SZT2: variants seen among roughly 807,000 people sequenced by gnomAD.
SZT2 encodes the protein KICSTOR complex protein SZT2.
In SZT2, 216 loss-of-function variants were observed where a neutral mutation model predicts 404.2. The observed-to-expected ratio is 0.53, with a 90% CI of 0.48 to 0.60. The LOEUF (loss-of-function observed/expected upper bound fraction) is 0.60, where lower values mean the gene tolerates loss of function less well. Among genes scored for constraint, SZT2 ranks in the 20% least tolerant of loss-of-function variants. The probability of loss-of-function intolerance (pLI) is 0.00; values close to 1 mark genes in which losing one functional copy is unlikely to be tolerated. For synonymous variants in SZT2, 1,693 were observed against 1,749.9 expected, an observed-to-expected ratio of 0.97 and a Z score of 0.81; for missense variants, 3,857 against 4,459.2, an observed-to-expected ratio of 0.86 and a Z score of 3.85.
rs760581304 is a variant in SZT2 at position 43,426,795 on chromosome 1, G to A, written c.3295G>A (p.Ala1099Thr). 8.7e-6 allele frequency: 14 copies of A among 1,613,522 alleles called. No homozygotes were observed. The highest frequency in any genetic ancestry group is 4.5e-5 in the East Asian group (2 of 44,870). The change falls in exon 23 of 72, where the codon GCT (alanine) becomes ACT (threonine). Residue 1099 changes from alanine to threonine, a missense_variant. Physicochemically the swap from Ala to Thr is moderately conservative, Grantham distance 58 (BLOSUM62 0). Transcript: ENST00000634258. The surrounding 1 kb of genome is among the most constrained non-coding windows in gnomAD (Gnocchi z 4.9). ...CAGCACCCAGGCCACAGGAGACTCC[G>A]CTTTTACTTCCCTGGTCAGCACCGA... ...VGSTQATGDS[A>T]FTSLSVGLPE...
Position 43,420,407 on chromosome 1 carries a change from A to C in SZT2, c.1261+84A>C. ...AAGACCCACATGTATCACACATGAA[A>C]GAGTGTCACATTGAAGTCCTTATCA... On this transcript the variant is annotated intron_variant, in intron 9 of 71. Transcript: ENST00000634258. The surrounding 1 kb of genome is among the most constrained non-coding windows in gnomAD (Gnocchi z 5.1). The C allele has an allele frequency of 7.0e-7, 1 of 1,429,652 alleles. No homozygotes were observed. Among genetic ancestry groups the C allele is most frequent in the Non-Finnish European group, 9.2e-7 (1 of 1,082,220 alleles). 88.6% of individuals were successfully genotyped at this position (1,429,652 alleles called of 1,614,324 possible).
At position 43,452,793 on chromosome 1, in the gene SZT2, T is replaced by G; in HGVS notation, c.*2313T>G. On this transcript the variant is annotated 3_prime_UTR_variant, in exon 72 of 72. Coordinates refer to ENST00000634258, the MANE Select transcript of SZT2 (RefSeq NM_001365999.1). ...TTTGGCCTCTGCAGGATTTGACATT[T>G]GAATCAGCCCCACTTTGAGCCGTCC... The G allele has an allele frequency of 8.6e-7, 1 of 1,169,424 alleles. No homozygotes were observed. The highest frequency in any genetic ancestry group is 1.4e-5 in the South Asian group (1 of 72,292). The allele number at this position is 1,169,424 out of a possible 1,614,324, so 72.4% of individuals were successfully genotyped here.
chr1:43,446,527 A>G, intron 65 of SZT2, 111 bp downstream of exon 65: 2 of 1,332,952 alleles, frequency 1.5e-6, no homozygotes, highest in Admixed American at 1.8e-5. Flanking sequence ...GGGCTGGCCC[A>G]GTGATTGATT....
In SZT2 at chr1:43,404,462, G is replaced by A. The variant is rs758311269; in HGVS notation, c.410G>A (p.Arg137Gln). The A allele has an allele frequency of 3.1e-5, 50 of 1,613,824 alleles. No individual in the cohort carries two copies. The highest frequency in any genetic ancestry group is 6.7e-5 in the Admixed American group (4 of 60,002). Residue 137 changes from arginine to glutamine, a missense_variant, in exon 4 of 72, where the codon CGA becomes CAA. Arg to Gln is a conservative substitution (Grantham distance 43, BLOSUM62 1). This residue lies in a region of SZT2 where 536 missense variants were observed against 637.4 expected (regional missense o/e 0.84). Coordinates refer to ENST00000634258, the MANE Select transcript of SZT2 (RefSeq NM_001365999.1). ...TTAGGCGGGCTGCTTCGGCCCTTCCGAGTGCCTGGATCTTGCATCGACTTC... is the reference window on the plus strand; with the variant it reads ...TTAGGCGGGCTGCTTCGGCCCTTCCAAGTGCCTGGATCTTGCATCGACTTC... ...RCLGGLLRPF[R>Q]VPGSCIDFQP... is the part of the protein sequence containing the mutation.
chr1:43,397,147 A>G (rs982777638), intron 1 of SZT2, among the ~76,000 whole-genome samples: 17 of 152,148 alleles, frequency 1.1e-4, no homozygotes, highest in African/African-American at 4.1e-4. Context: ...GAAACAATGT[A>G]TAGGCCAGGT....
At chr1:43,429,024 T>C (rs1471147588) in intron 28 of SZT2, 1 of 159,382 alleles carries the variant, frequency 6.3e-6, no homozygotes, top group East Asian at 1.8e-4. Flanking sequence ...TGATGACTCC[T>C]AGATTGGAAC....
In SZT2 at chr1:43,427,459, C is replaced by T; in HGVS notation, c.3598+14C>T. On this transcript the variant is annotated intron_variant, in intron 25 of 71. Coordinates refer to ENST00000634258, the MANE Select transcript of SZT2 (RefSeq NM_001365999.1). ...CCCTGGCTAGTGGTAAGGCTGCCGACTCAAGGTGGGCAGGAGTGGGAGTGG... is the reference window on the plus strand; with the variant it reads ...CCCTGGCTAGTGGTAAGGCTGCCGATTCAAGGTGGGCAGGAGTGGGAGTGG... The T allele has an allele frequency of 6.2e-7, 1 of 1,611,884 alleles. No homozygotes were observed. Among genetic ancestry groups the T allele is most frequent in the Non-Finnish European group, 8.5e-7 (1 of 1,178,142 alleles).
At chr1:43,402,733 G>T (rs892763606) in intron 1 of SZT2, among the ~76,000 whole-genome samples, 1 of 152,146 alleles carries the variant, frequency 6.6e-6, no homozygotes, top group Admixed American at 6.5e-5. Flanking sequence ...TATTCCTTCG[G>T]TGAAAATTTC....
At chr1:43,394,957 G>C (rs748543291) in intron 1 of SZT2, among the ~76,000 whole-genome samples, 4 of 152,154 alleles carry the variant, frequency 2.6e-5, no homozygotes, top group Non-Finnish European at 5.9e-5. Context: ...GATGTTGCAA[G>C]AAGACTAGGC....
chr1:43,426,875 G>A lies in SZT2; in HGVS notation c.3309+66G>A. ...CCTCCTTCCAGCACCACATCTTCAG[G>A]CCCCAACCTTCTACCGCCCTTGAGA... is the stretch of plus-strand genomic sequence containing the variant. On this transcript the variant is annotated intron_variant, in intron 23 of 71. Coordinates refer to ENST00000634258, the MANE Select transcript of SZT2 (RefSeq NM_001365999.1). This position sits in a 1 kb window ranked among gnomAD's most constrained non-coding sequence, Gnocchi z 4.9. 3 of 1,570,860 alleles carry A rather than the reference G, an allele frequency of 1.9e-6. No individual in the cohort carries two copies. The highest frequency in any genetic ancestry group is 2.6e-6 in the Non-Finnish European group (3 of 1,146,454).
rs1300224279 is a variant in SZT2, at chr1:43,439,125, T to C, written c.6792+32T>C. ...TGGCACTCATCTCTCTCCACACTCA[T>C]GTGCACCCCTGCCCCCTGCCCCACG... On this transcript the variant is annotated intron_variant, in intron 48 of 71. Transcript: ENST00000634258. This position sits in a 1 kb window ranked among gnomAD's most constrained non-coding sequence, Gnocchi z 4.2. 4 of 1,613,370 alleles carry C rather than the reference T, an allele frequency of 2.5e-6. No individual in the cohort carries two copies. The highest frequency in any genetic ancestry group is 1.7e-4 in the Middle Eastern group (1 of 6,058).
In SZT2 at chr1:43,437,747, T is replaced by A. The variant is rs761961796; in HGVS notation, c.6397-44T>A. 1.2e-6 allele frequency: 2 copies of A among 1,614,074 alleles called. No individual in the cohort carries two copies. Among genetic ancestry groups the A allele is most frequent in the Non-Finnish European group, 1.7e-6 (2 of 1,179,964 alleles). ...TGATGCCCCTGTGTTCCTCTTGCAC[T>A]TTGCTCTCTGGAACCGGGGCCCTGA... On this transcript the variant is annotated intron_variant, in intron 45 of 71. Coordinates refer to ENST00000634258, the MANE Select transcript of SZT2 (RefSeq NM_001365999.1). This position sits in a 1 kb window ranked among gnomAD's most constrained non-coding sequence, Gnocchi z 5.3.
At chr1:43,434,061 G>A (rs1257879427) in intron 40 of SZT2, among the ~76,000 whole-genome samples, 4 of 152,152 alleles carry the variant, frequency 2.6e-5, no homozygotes, top group African/African-American at 9.7e-5. Context: ...AAGAAAGGAA[G>A]ACCACCATTC....
chr1:43,444,256 T>C (rs1232486073), intron 62 of SZT2, among the ~76,000 whole-genome samples: 1 of 151,952 alleles, frequency 6.6e-6, no homozygotes, highest in Admixed American at 6.6e-5. Flanking sequence ...GCCACCCTGC[T>C]TGGCTAATTT....
In SZT2 at chr1:43,448,046, A is replaced by T; in HGVS notation, c.9564-33A>T. ...CCTGCCCTGTGTGTCTCTTGCTACA[A>T]CCACCACTCTCCTGCCCTGCTCCCC... On this transcript the variant is annotated intron_variant, in intron 68 of 71. Transcript: ENST00000634258. This position sits in a 1 kb window ranked among gnomAD's most constrained non-coding sequence, Gnocchi z 4.2. 3 of 1,607,498 alleles carry T rather than the reference A, an allele frequency of 1.9e-6. No homozygotes were observed. Among genetic ancestry groups the T allele is most frequent in the Non-Finnish European group, 2.6e-6 (3 of 1,175,542 alleles).
intron 1 of SZT2, among the ~76,000 whole-genome samples, chr1:43,399,216 T>G (rs1212809244): frequency 6.6e-6 from 1 of 152,244 alleles, no homozygotes; most frequent in Admixed American, 6.5e-5. Flanking sequence ...TTCTGTCCTA[T>G]CCTAAAGATC....
rs1027446786 is a variant in SZT2, at chr1:43,427,799, C to T, written c.3803+65C>T. On this transcript the variant is annotated intron_variant, in intron 26 of 71. Transcript: ENST00000634258. ...ATGGCTCCCAGCCAAGAAATAAGTA[C>T]ACACTAATAGGCGTGGGCAGGTAAG... is the stretch of plus-strand genomic sequence containing the variant. 2.6e-6 allele frequency: 4 copies of T among 1,562,380 alleles called. No individual in the cohort carries two copies. In the African/African-American group the frequency reaches 5.4e-5, roughly 21 times the overall value.
intron 1 of SZT2, among the ~76,000 whole-genome samples, chr1:43,391,724 C>G (rs1648345139): frequency 6.6e-6 from 1 of 152,086 alleles, no homozygotes; most frequent in Non-Finnish European, 1.5e-5. Flanking sequence ...TAGGACAACA[C>G]CGTCCTGTAG....
intron 46 of SZT2, 100 bp from the exon 47 acceptor site, chr1:43,438,599 A>C: frequency 3.5e-5 from 36 of 1,041,364 alleles, no homozygotes; most frequent in Non-Finnish European, 4.8e-5. Context: ...CACTGCCTCT[A>C]GTATACAGGG....
Sources: allele counts gnomAD v4.1 joint callset (sites outside exome capture counted in the v4.1 genomes callset), GRCh38; gene constraint gnomAD v4.1.1; regional missense constraint gnomAD v4.1.1; non-coding constraint Gnocchi (gnomAD v3.1); transcripts MANE v1.5; gene names NCBI Gene and HGNC (gene_info 2026-07-23, HGNC 2026-07-21).